The following SCN2A variants were observed in gnomAD, a reference collection of about 807,000 sequenced individuals.
SCN2A encodes the protein sodium voltage-gated channel alpha subunit 2, also known as sodium channel protein type 2 subunit alpha.
SCN2A carries 20 observed loss-of-function variants against 188.7 expected under a neutral mutation model. The observed-to-expected ratio is 0.11, with a 90% CI of 0.07 to 0.15. The LOEUF (loss-of-function observed/expected upper bound fraction) is 0.15. Among genes scored for constraint, SCN2A ranks in the 10% least tolerant of loss-of-function variants. The pLI is 1.00. For missense variants in SCN2A, 1,278 were observed against 2,445.0 expected (o/e 0.52, Z 10.07); for synonymous variants, 804 against 833.1 (o/e 0.97, Z 0.60).
intron 20 of SCN2A, chr2:165,370,516 A>G: frequency 2.3e-6 from 1 of 436,682 alleles, no homozygotes; most frequent in South Asian, 5.5e-5. Context: ...TACTATACTT[A>G]TTCACTTAAT....
At position 165,307,078 on chromosome 2, in the gene SCN2A, G is replaced by A. The variant is rs114486171; in HGVS notation, c.387-770G>A. Among the ~76,000 whole-genome samples the A allele has an allele frequency of 5.7e-3, 868 of 152,226 alleles. 5 individuals carry two copies. Among genetic ancestry groups the A allele is most frequent in the African/African-American group, 0.02 (834 of 41,536 alleles). ...GGCTATACCTGCAAAGACAAAGTGGGATAGGGTGAAACCAACCCAATATTT... is the reference window on the plus strand; with the variant it reads ...GGCTATACCTGCAAAGACAAAGTGGAATAGGGTGAAACCAACCCAATATTT... On this transcript the variant is annotated intron_variant, in intron 3 of 26. Coordinates refer to ENST00000375437, the MANE Select transcript of SCN2A (RefSeq NM_001040142.2).
chr2:165,265,884 C>T (rs917026669), intron 1 of SCN2A, among the ~76,000 whole-genome samples: 6 of 151,022 alleles, frequency 4.0e-5, no homozygotes, highest in African/African-American at 1.5e-4. Context: ...TCTAGTGGTG[C>T]AATCATAGCT....
chr2:165,295,542 G>A (rs1445185647), intron 1 of SCN2A, among the ~76,000 whole-genome samples: 1 of 152,198 alleles, frequency 6.6e-6, no homozygotes, highest in Non-Finnish European at 1.5e-5. Context: ...AACATTTTGG[G>A]AGTGGGAGAT....
Position 165,323,483 on chromosome 2 carries a change from G to T in SCN2A, c.1999G>T (p.Gly667Trp). ...VGGPSTLTSA[G>W]QLLPEGTTTE... The stretch of plus-strand genomic sequence containing the variant: ...GGGCCCTTCTACCCTCACATCTGCT[G>T]GGCAGCTCCTACCAGAGGTGAGGCC... Residue 667 changes from glycine (G) to tryptophan (W), a missense_variant, in exon 12 of 27, where the codon GGG becomes TGG. Physicochemically the swap from Gly to Trp is radical, Grantham distance 184. Around this residue, in one of 17 missense-constraint regions of SCN2A, gnomAD observed 315 missense variants for 386.6 expected, o/e 0.81. Coordinates refer to ENST00000375437, the MANE Select transcript of SCN2A (RefSeq NM_001040142.2). 6.2e-7 allele frequency: 1 copy of T among 1,613,092 alleles called. No individual in the cohort carries two copies. The highest frequency in any genetic ancestry group is 8.5e-7 in the Non-Finnish European group (1 of 1,179,598).
chr2:165,378,088 G>A (rs537973761), intron 23 of SCN2A, among the ~76,000 whole-genome samples: 1 of 151,570 alleles, frequency 6.6e-6, no homozygotes, highest in African/African-American at 2.4e-5. Context: ...TTTCTCTTGG[G>A]AAAGTGAGAT....
intron 3 of SCN2A, among the ~76,000 whole-genome samples, chr2:165,297,749 T>C (rs1398453488): frequency 6.6e-6 from 1 of 152,226 alleles, no homozygotes; most frequent in Non-Finnish European, 1.5e-5. Context: ...CACTTGTTCC[T>C]ATGTTTTATT....
chr2:165,325,281 G>T (rs1018446878), intron 12 of SCN2A, among the ~76,000 whole-genome samples: 1 of 152,160 alleles, frequency 6.6e-6, no homozygotes, highest in African/African-American at 2.4e-5. Context: ...CCAGCTTGAA[G>T]CAAAGCTTTG....
At chr2:165,333,339 G>A (rs924313047) in intron 14 of SCN2A, among the ~76,000 whole-genome samples, 1 of 151,894 alleles carries the variant, frequency 6.6e-6, no homozygotes, top group African/African-American at 2.4e-5. Context: ...AAAATCCATA[G>A]GCAGGATACA....
intron 14 of SCN2A, among the ~76,000 whole-genome samples, chr2:165,332,986 G>A (rs1052790104): frequency 6.6e-6 from 1 of 151,918 alleles, no homozygotes; most frequent in Admixed American, 6.6e-5. Context: ...TTCTACTAAT[G>A]TAGCTCCATG....
chr2:165,307,749 G>T lies in SCN2A; in HGVS notation c.387-99G>T, dbSNP rs73023764. 3.5e-3 allele frequency: 2,884 copies of T among 832,586 alleles called. 50 individuals carry two copies. In the African/African-American group the frequency reaches 0.043, roughly 12 times the overall value. 51.6% of individuals were successfully genotyped at this position (832,586 alleles called of 1,614,324 possible). The stretch of plus-strand genomic sequence containing the variant: ...TAGAATAATAAGCAACAAAATAATA[G>T]TAAGCACTAAAGTTTTAAACTTCAT... On this transcript the variant is annotated intron_variant, in intron 3 of 26. Coordinates refer to ENST00000375437, the MANE Select transcript of SCN2A (RefSeq NM_001040142.2).
intron 1 of SCN2A, among the ~76,000 whole-genome samples, chr2:165,245,650 A>G (rs1693812405): frequency 6.6e-6 from 1 of 152,146 alleles, no homozygotes; most frequent in South Asian, 2.1e-4. Context: ...AGAAGACAGG[A>G]GCCTAGTTAT....
chr2:165,342,530 C>A (rs1339182366), intron 15 of SCN2A, 61 bp downstream of exon 15: 1 of 1,557,796 alleles, frequency 6.4e-7, no homozygotes. Context: ...TCATTCTCAT[C>A]TAGTAAAAAT....
intron 25 of SCN2A, among the ~76,000 whole-genome samples, chr2:165,382,983 G>A (rs1394672499): frequency 6.6e-6 from 1 of 152,172 alleles, no homozygotes; most frequent in Admixed American, 6.6e-5. Flanking sequence ...ACCTGTAGTG[G>A]TAGGGGTGTG....
At chr2:165,291,491 TTTTC>T (rs373832509) in intron 1 of SCN2A, among the ~76,000 whole-genome samples, 4,399 of 38,656 alleles carry the variant, frequency 0.11, 508 homozygotes, top group African/African-American at 0.12. Flanking sequence ...TCTTTCTTTC[TTTTC>T]TTTCTTTCTT....
At chr2:165,323,591 T>C in intron 12 of SCN2A, 91 bp downstream of exon 12, 1 of 1,238,804 alleles carries the variant, frequency 8.1e-7, no homozygotes, top group Non-Finnish European at 1.1e-6. Context: ...AAGAATTTGT[T>C]GAGTTTGTTG....
intron 1 of SCN2A, among the ~76,000 whole-genome samples, chr2:165,276,178 T>C (rs918787716): frequency 3.3e-5 from 5 of 152,160 alleles, no homozygotes; most frequent in Admixed American, 2.6e-4. Flanking sequence ...TCAGAAGAAT[T>C]GGTCATGCCA....
chr2:165,350,490 T>G (rs1699840284), intron 16 of SCN2A, among the ~76,000 whole-genome samples: 1 of 97,484 alleles, frequency 1.0e-5, no homozygotes, highest in South Asian at 3.5e-4. Flanking sequence ...TTTTTTTTTT[T>G]GAGACGGAGT....
chr2:165,359,082 A>G, intron 17 of SCN2A, among the ~76,000 whole-genome samples: 1 of 152,128 alleles, frequency 6.6e-6, no homozygotes, highest in East Asian at 1.9e-4. Context: ...TGGAAGAAGC[A>G]ATAATCATGC....
At chr2:165,348,872 C>T (rs1423874841) in intron 16 of SCN2A, among the ~76,000 whole-genome samples, 3 of 152,120 alleles carry the variant, frequency 2.0e-5, no homozygotes, top group African/African-American at 7.2e-5. Flanking sequence ...TATGATATGG[C>T]AGCTGGCTTC....
Sources: allele counts gnomAD v4.1 joint callset (sites outside exome capture counted in the v4.1 genomes callset), GRCh38; gene constraint gnomAD v4.1.1; regional missense constraint gnomAD v4.1.1; transcripts MANE v1.5; gene names NCBI Gene and HGNC (gene_info 2026-07-23, HGNC 2026-07-21).